The following CHCT1 variants were observed in gnomAD, a reference collection of about 807,000 sequenced individuals.
The protein encoded by CHCT1 is CHD1 helical C-terminal domain containing protein 1.
chr17:60,429,938 C>T, the CHCT1 span, among the ~76,000 whole-genome samples: 11 of 152,066 alleles, frequency 7.2e-5, no homozygotes, highest in East Asian at 2.1e-3. Context: ...GATTCTCCTG[C>T]CTCAGCATCC....
chr17:60,430,868 A>C, the CHCT1 span, among the ~76,000 whole-genome samples: 37 of 152,318 alleles, frequency 2.4e-4, no homozygotes, highest in Admixed American at 1.2e-3. Context: ...AGGAGTAAGG[A>C]AGAATCAGAG....
the CHCT1 span, among the ~76,000 whole-genome samples, chr17:60,427,182 G>T: frequency 1.3e-5 from 2 of 152,214 alleles, no homozygotes; most frequent in Non-Finnish European, 2.9e-5. Context: ...TACCCTATGG[G>T]CAGTGTGCCC....
chr17:60,426,570 A>G, the CHCT1 span: 1 of 1,250,146 alleles, frequency 8.0e-7, no homozygotes, highest in Non-Finnish European at 1.1e-6. Flanking sequence ...AAGTTTGGGC[A>G]AATCCCCACC....
chr17:60,429,626 C>T, the CHCT1 span: 1 of 1,506,502 alleles, frequency 6.6e-7, no homozygotes, highest in Non-Finnish European at 9.1e-7. Flanking sequence ...GGGTGTTTCC[C>T]AAGAGTAGAC....
At chr17:60,429,556 AGGTAATGACCATTTGGTGTTG>A in the CHCT1 span, 2 of 1,613,654 alleles carry the variant, frequency 1.2e-6, no homozygotes. Flanking sequence ...ATGTCAAGAA[AGGTAATGACCATTTGGTGTTG>A]GGGTGATGCC....
the CHCT1 span, chr17:60,426,245 T>A: frequency 1.9e-6 from 3 of 1,551,932 alleles, no homozygotes; most frequent in South Asian, 3.6e-5. Flanking sequence ...GAAGCTGAAG[T>A]ACATGAAGCA....
At chr17:60,426,681 G>C in the CHCT1 span, 8 of 1,589,514 alleles carry the variant, frequency 5.0e-6, no homozygotes, top group Non-Finnish European at 6.8e-6. Context: ...GAAGCGCTGT[G>C]CTCCACCTCC....
At chr17:60,423,025 C>T in the CHCT1 span, among the ~76,000 whole-genome samples, 3 of 152,056 alleles carry the variant, frequency 2.0e-5, no homozygotes, top group Admixed American at 2.0e-4. Flanking sequence ...CTGGCCTTTC[C>T]CTTCAGAGTG....
chr17:60,429,632 T>C, the CHCT1 span: 1 of 1,478,062 alleles, frequency 6.8e-7, no homozygotes, highest in Non-Finnish European at 9.3e-7. Flanking sequence ...TTCCCAAGAG[T>C]AGACTCAAGC....
the CHCT1 span, chr17:60,426,888 C>A: frequency 3.9e-6 from 6 of 1,538,658 alleles, no homozygotes; most frequent in South Asian, 1.2e-5. Flanking sequence ...TGCGGGGAGG[C>A]CTGGGATTGA....
At chr17:60,426,040 C>G in the CHCT1 span, 1 of 1,298,972 alleles carries the variant, frequency 7.7e-7, no homozygotes, top group African/African-American at 1.5e-5. Context: ...AGCCACCTCC[C>G]GAAACACGCA....
At chr17:60,422,479 T>C in the CHCT1 span, 2 of 1,531,534 alleles carry the variant, frequency 1.3e-6, no homozygotes, top group Non-Finnish European at 1.8e-6. Flanking sequence ...TTGCTCCGAG[T>C]TCTGGAGCCA....
chr17:60,431,302 G>C, the CHCT1 span: 9 of 1,478,518 alleles, frequency 6.1e-6, no homozygotes, highest in Middle Eastern at 1.7e-4. Context: ...GCTTGTCCTG[G>C]CTCTCAGAGC....
chr17:60,428,772 C>T, the CHCT1 span, among the ~76,000 whole-genome samples: 1 of 152,032 alleles, frequency 6.6e-6, no homozygotes, highest in Non-Finnish European at 1.5e-5. Flanking sequence ...CAGGCATGAG[C>T]CACCGCACCA....
At chr17:60,431,316 G>A in the CHCT1 span, 2 of 1,347,984 alleles carry the variant, frequency 1.5e-6, no homozygotes, top group South Asian at 1.3e-5. Context: ...TCAGAGCACG[G>A]GGAATGGAGA....
At chr17:60,422,399 G>A in the CHCT1 span, 1 of 1,397,238 alleles carries the variant, frequency 7.2e-7, no homozygotes, top group Non-Finnish European at 9.5e-7. Flanking sequence ...GCCAGCTGCA[G>A]CCACCCCTAA....
the CHCT1 span, among the ~76,000 whole-genome samples, chr17:60,424,425 A>G: frequency 1.6e-4 from 24 of 152,366 alleles, no homozygotes; most frequent in African/African-American, 5.5e-4. Context: ...ATCTGTAACT[A>G]GGGTTAATGA....
chr17:60,422,836 G>A, the CHCT1 span, among the ~76,000 whole-genome samples: 1 of 152,286 alleles, frequency 6.6e-6, no homozygotes, highest in East Asian at 1.9e-4. Flanking sequence ...GAGATGATGG[G>A]GAAGAGGTCG....
At chr17:60,421,653 G>T in the CHCT1 span, 1 of 942,478 alleles carries the variant, frequency 1.1e-6, no homozygotes, top group Non-Finnish European at 1.3e-6. Context: ...ACGCGAGGGG[G>T]CGCTGCTGCC....
Sources: allele counts gnomAD v4.1 joint callset (sites outside exome capture counted in the v4.1 genomes callset), GRCh38; gene constraint gnomAD v4.1.1; transcripts MANE v1.5; gene names NCBI Gene and HGNC (gene_info 2026-07-23, HGNC 2026-07-21).